RAD18: variants seen among roughly 807,000 people sequenced by gnomAD.
RAD18 encodes RAD18 E3 ubiquitin protein ligase, also known as E3 ubiquitin-protein ligase RAD18.
In RAD18, 47 loss-of-function variants were observed where a neutral mutation model predicts 60.4. The ratio of observed to expected loss-of-function variants is 0.78; its 90% CI spans 0.62 to 0.99. The LOEUF (loss-of-function observed/expected upper bound fraction) is 0.99, where lower values mean the gene tolerates loss of function less well. Ranked by LOEUF, RAD18 falls within the 50% of genes least tolerant of loss-of-function variation. The pLI, the probability that RAD18 is intolerant of heterozygous loss-of-function variation, is 0.00. For synonymous variants in RAD18, 225 were observed against 195.5 expected (o/e 1.15, Z -1.26); for missense variants, 640 against 593.3 (o/e 1.08, Z -0.82).
chr3:8,898,204 G>A (rs894167788), intron 11 of RAD18, among the ~76,000 whole-genome samples: 27 of 152,158 alleles, frequency 1.8e-4, no homozygotes, highest in African/African-American at 6.0e-4. Context: ...TTATAGCGCA[G>A]AGACATAACA....
At chr3:8,947,898 T>C (rs948136037) in intron 3 of RAD18, among the ~76,000 whole-genome samples, 3 of 152,342 alleles carry the variant, frequency 2.0e-5, no homozygotes, top group Non-Finnish European at 4.4e-5. Flanking sequence ...TGACACCACA[T>C]ACCTACCAGA....
intron 9 of RAD18, among the ~76,000 whole-genome samples, chr3:8,909,365 G>C (rs189687170): frequency 2.0e-4 from 30 of 152,286 alleles, no homozygotes; most frequent in African/African-American, 6.7e-4. Flanking sequence ...CAGCAGTTTT[G>C]GAAGACAGTT....
chr3:8,907,702 A>G (rs1940036440), intron 9 of RAD18, among the ~76,000 whole-genome samples: 1 of 152,142 alleles, frequency 6.6e-6, no homozygotes, highest in Admixed American at 6.5e-5. Context: ...TCAGGGAAAG[A>G]TCACCTTCTT....
At chr3:8,890,201 C>T in intron 12 of RAD18, 188 bp downstream of exon 12, 1 of 575,732 alleles carries the variant, frequency 1.7e-6, no homozygotes, top group Non-Finnish European at 3.1e-6. Flanking sequence ...ACAGTTATTA[C>T]ATAGGATTCC....
intron 9 of RAD18, among the ~76,000 whole-genome samples, chr3:8,904,606 A>AC (rs142034886): frequency 0.016 from 2,465 of 152,310 alleles, 64 homozygotes; most frequent in African/African-American, 0.057. Flanking sequence ...CCTATCTAGG[A>AC]CACAAGCTAG....
chr3:8,902,909 C>G (rs1489350721), intron 9 of RAD18, among the ~76,000 whole-genome samples: 1 of 151,844 alleles, frequency 6.6e-6, no homozygotes, highest in East Asian at 1.9e-4. Flanking sequence ...GCCTATAATC[C>G]CAGCTACTTA....
intron 12 of RAD18, among the ~76,000 whole-genome samples, chr3:8,885,939 C>T (rs1939555073): frequency 6.6e-6 from 1 of 152,204 alleles, no homozygotes; most frequent in Non-Finnish European, 1.5e-5. Context: ...TCAGTGGTCT[C>T]TTATCAGGAG....
At chr3:8,925,276 T>G (rs1044140879) in intron 7 of RAD18, among the ~76,000 whole-genome samples, 2 of 152,224 alleles carry the variant, frequency 1.3e-5, no homozygotes, top group East Asian at 1.9e-4. Context: ...GAGAATACTA[T>G]AAACACCTCT....
intron 12 of RAD18, among the ~76,000 whole-genome samples, chr3:8,886,170 C>A (rs1464038059): frequency 6.6e-6 from 1 of 152,162 alleles, no homozygotes; most frequent in Admixed American, 6.5e-5. Context: ...ATTTACTTAA[C>A]CCTTGCCTGG....
chr3:8,916,246 C>A (rs990287935), intron 7 of RAD18, among the ~76,000 whole-genome samples: 2 of 152,172 alleles, frequency 1.3e-5, no homozygotes, highest in Non-Finnish European at 2.9e-5. Context: ...GGGGCAGGAT[C>A]GCTGAAAAAG....
chr3:8,925,419 A>T (rs1280235375), intron 7 of RAD18, among the ~76,000 whole-genome samples: 2 of 152,236 alleles, frequency 1.3e-5, no homozygotes, highest in Non-Finnish European at 2.9e-5. Context: ...GCAATAATTA[A>T]TAGCCTACCA....
intron 9 of RAD18, among the ~76,000 whole-genome samples, chr3:8,903,081 C>T (rs1487323002): frequency 2.0e-5 from 3 of 151,664 alleles, no homozygotes; most frequent in Non-Finnish European, 4.4e-5. Flanking sequence ...TCAAGAACAG[C>T]ATCCTTAGGA....
intron 7 of RAD18, among the ~76,000 whole-genome samples, chr3:8,920,627 T>C (rs1051278386): frequency 1.3e-5 from 2 of 151,496 alleles, no homozygotes; most frequent in South Asian, 2.1e-4. Context: ...AGATGTCAAA[T>C]GGCTCTAGAT....
intron 8 of RAD18, 43 bp from the exon 9 acceptor site, chr3:8,912,415 A>G (rs1457353167): frequency 7.4e-7 from 1 of 1,355,264 alleles, no homozygotes. Flanking sequence ...TCTCCCCAAA[A>G]TGACAAAAAG....
chr3:8,951,470 C>T (rs1327368448), intron 2 of RAD18, among the ~76,000 whole-genome samples: 1 of 152,132 alleles, frequency 6.6e-6, no homozygotes, highest in Non-Finnish European at 1.5e-5. Context: ...GTAGACTTCC[C>T]TTGCAAGAAA....
intron 9 of RAD18, among the ~76,000 whole-genome samples, chr3:8,906,996 C>G (rs886484349): frequency 1.3e-5 from 2 of 152,180 alleles, no homozygotes; most frequent in African/African-American, 2.4e-5. Flanking sequence ...GGTCAGAGAA[C>G]GTATTTTGCA....
rs909504019 is a variant in RAD18 at position 8,939,559 on chromosome 3, G to C, written c.699C>G (p.Leu233=). The C allele has an allele frequency of 1.2e-6, 2 of 1,611,208 alleles. No homozygotes were observed. The highest frequency in any genetic ancestry group is 8.5e-7 in the Non-Finnish European group (1 of 1,177,888). The part of the protein sequence containing the change: ...CLSREEKKES[L]RSSVHKRKPL... ...GTTCTGCTCAACTTCCTTACCTTCT[G>C]AGGCTTTCCTTCTTCTCTTCGCGTG... The change falls in exon 6 of 13, where the codon CTC becomes CTG. Residue 233 remains leucine (L), a synonymous_variant. Coordinates refer to ENST00000264926, the MANE Select transcript of RAD18 (RefSeq NM_020165.4).
At chr3:8,954,396 T>C (rs529367646) in intron 2 of RAD18, among the ~76,000 whole-genome samples, 2 of 152,366 alleles carry the variant, frequency 1.3e-5, no homozygotes, top group South Asian at 4.1e-4. Context: ...AGCCAGCCAA[T>C]TGCTAAATAT....
At chr3:8,894,942 G>T (rs190606771) in intron 11 of RAD18, among the ~76,000 whole-genome samples, 76 of 151,902 alleles carry the variant, frequency 5.0e-4, no homozygotes, top group African/African-American at 1.8e-3. Context: ...TATATTTTTA[G>T]TAAAGGCCAG....
Sources: gnomAD v4.1 joint callset for allele counts (sites outside exome capture counted in the v4.1 genomes callset) on GRCh38, gnomAD v4.1.1 for gene constraint, MANE v1.5 for transcripts, NCBI Gene and HGNC (gene_info 2026-07-23, HGNC 2026-07-21) for gene names.